The following WHRN variants were observed in gnomAD, a reference collection of about 807,000 sequenced individuals.
The protein encoded by WHRN is whirlin.
WHRN carries 41 observed loss-of-function variants against 68.3 expected under a neutral mutation model. The ratio of observed to expected loss-of-function variants is 0.60; its 90% CI spans 0.47 to 0.78. The LOEUF (loss-of-function observed/expected upper bound fraction) is 0.78, where lower values mean the gene tolerates loss of function less well. Ranked by LOEUF, WHRN falls within the 30% of genes least tolerant of loss-of-function variation. The probability of loss-of-function intolerance (pLI) is 0.00; values close to 1 mark genes in which losing one functional copy is unlikely to be tolerated. For missense variants in WHRN, 1,243 were observed against 1,244.7 expected (o/e 1.00, Z 0.02); for synonymous variants, 560 against 561.3 (o/e 1.00, Z 0.03).
At chr9:114,435,896 CTCT>C (rs1837808012) in intron 3 of WHRN, among the ~76,000 whole-genome samples, 1 of 74,012 alleles carries the variant, frequency 1.4e-5, no homozygotes, top group Non-Finnish European at 2.9e-5. Context: ...TTCTAAAACA[CTCT>C]AAAACACTCA....
At position 114,469,653 on chromosome 9, in the gene WHRN, G is replaced by A. The variant is rs531134322; in HGVS notation, c.838-3261C>T. On this transcript the variant is annotated intron_variant, in intron 2 of 11. Transcript: ENST00000362057. ...CCCTGTGGGACCTGCCGAGATCCGT[G>A]CTGAGAAGGCACGGCAGCCCTGCCC... Among the ~76,000 whole-genome samples, 7 of 152,340 alleles carry A rather than the reference G, an allele frequency of 4.6e-5. No homozygotes were observed. The South Asian group carries it at 1.2e-3, about 27-fold the overall frequency.
chr9:114,459,670 C>T (rs1304747234), intron 3 of WHRN, among the ~76,000 whole-genome samples: 1 of 152,190 alleles, frequency 6.6e-6, no homozygotes, highest in African/African-American at 2.4e-5. Context: ...TCGATATGGT[C>T]AGGCTCCTGG....
intron 7 of WHRN, among the ~76,000 whole-genome samples, chr9:114,410,979 C>T (rs1265822115): frequency 6.6e-6 from 1 of 152,200 alleles, no homozygotes; most frequent in African/African-American, 2.4e-5. Context: ...GTAAATCCTT[C>T]CTCTGTAAAA....
intron 1 of WHRN, among the ~76,000 whole-genome samples, chr9:114,486,772 T>G (rs1167161570): frequency 6.9e-6 from 1 of 144,126 alleles, no homozygotes. Context: ...AACAGTAACC[T>G]TGGGCAAGTT....
chr9:114,440,953 G>A (rs1838320766), intron 3 of WHRN, among the ~76,000 whole-genome samples: 1 of 152,198 alleles, frequency 6.6e-6, no homozygotes, highest in South Asian at 2.1e-4. Context: ...CCAAGAAGCA[G>A]AGAAAGTCAT....
At position 114,430,945 on chromosome 9, in the gene WHRN, T is replaced by C. The variant is rs147588613; in HGVS notation, c.964-4532A>G. Among the ~76,000 whole-genome samples, 120 of 152,286 alleles carry C rather than the reference T, an allele frequency of 7.9e-4. 2 individuals are homozygous for C. Among genetic ancestry groups the C allele is most frequent in the African/African-American group, 2.7e-3 (112 of 41,556 alleles). On this transcript the variant is annotated intron_variant, in intron 3 of 11. Transcript: ENST00000362057. The stretch of plus-strand genomic sequence containing the variant: ...GAGTTGGTTTTGAGTGGCTCCCATT[T>C]TTCTGTGTCCAGCTCTCTCCCTTTT...
chr9:114,499,681 C>T (rs180799205), intron 1 of WHRN, among the ~76,000 whole-genome samples: 147 of 152,294 alleles, frequency 9.7e-4, no homozygotes, highest in African/African-American at 3.2e-3. Context: ...GGCACATGAG[C>T]GAGGGGCTGC....
intron 3 of WHRN, among the ~76,000 whole-genome samples, chr9:114,456,028 TG>T (rs1260584510): frequency 6.6e-6 from 1 of 151,974 alleles, no homozygotes; most frequent in African/African-American, 2.4e-5. Flanking sequence ...AATGGTTGTA[TG>T]GGTACTTGAA....
chr9:114,504,460 G>A lies in WHRN; in HGVS notation c.342C>T (p.Leu114=), dbSNP rs368710698. 1.2e-6 allele frequency: 2 copies of A among 1,607,778 alleles called. No homozygotes were observed. The highest frequency in any genetic ancestry group is 8.5e-7 in the Non-Finnish European group (1 of 1,179,754). The change falls in exon 1 of 12, where the codon CTC becomes CTT. Residue 114 remains leucine, a synonymous_variant. Transcript: ENST00000362057. ...TGTAGGGGGTGGTGGCGGGCAGGTAGAGGCCCTCGGCCGTGTATTGGTCGA... is the reference window on the plus strand; with the variant it reads ...TGTAGGGGGTGGTGGCGGGCAGGTAAAGGCCCTCGGCCGTGTATTGGTCGA... ...LLFDQYTAEG[L]YLPATTPYRQ...
intron 1 of WHRN, among the ~76,000 whole-genome samples, chr9:114,489,659 G>A (rs1000770129): frequency 4.6e-5 from 7 of 152,196 alleles, no homozygotes; most frequent in Non-Finnish European, 8.8e-5. Flanking sequence ...ATAAGCAAAT[G>A]AGATATGTAA....
intron 9 of WHRN, among the ~76,000 whole-genome samples, chr9:114,405,752 A>G (rs1346622922): frequency 6.6e-6 from 1 of 152,226 alleles, no homozygotes; most frequent in African/African-American, 2.4e-5. Context: ...TAGCCGCAAG[A>G]TGGCAGCAGA....
At position 114,423,333 on chromosome 9, in the gene WHRN, G is replaced by A. The variant is rs774465093; in HGVS notation, c.1607C>T (p.Thr536Ile). Residue 536 changes from threonine (T) to isoleucine (I), a missense_variant, in exon 7 of 12, where the codon ACC (threonine) becomes ATC (isoleucine). Physicochemically the swap from Thr to Ile is moderately conservative, Grantham distance 89. Transcript: ENST00000362057. ...GSSTGSHGTS[T>I]TVSSARNTLD... The stretch of plus-strand genomic sequence containing the variant: ...GCTCACCCTGGCCGAGCTGACGGTG[G>A]TGGAGGTGCCGTGGCTGCCTGTGGA... 2.5e-6 allele frequency: 4 copies of A among 1,613,990 alleles called. No homozygotes were observed. Among genetic ancestry groups the A allele is most frequent in the South Asian group, 2.2e-5 (2 of 91,086 alleles).
intron 1 of WHRN, among the ~76,000 whole-genome samples, chr9:114,497,816 T>G (rs1193230751): frequency 6.6e-6 from 1 of 152,156 alleles, no homozygotes; most frequent in Non-Finnish European, 1.5e-5. Context: ...TACACTCAAA[T>G]AGCAGAGGGT....
chr9:114,465,893 T>C (rs1840643281), intron 3 of WHRN, among the ~76,000 whole-genome samples: 1 of 152,200 alleles, frequency 6.6e-6, no homozygotes, highest in South Asian at 2.1e-4. Flanking sequence ...AATATTTCAA[T>C]AACTGCTGGT....
At chr9:114,439,468 A>T (rs1380811622) in intron 3 of WHRN, among the ~76,000 whole-genome samples, 1 of 152,380 alleles carries the variant, frequency 6.6e-6, no homozygotes, top group South Asian at 2.1e-4. Flanking sequence ...GCAAATGGGT[A>T]AACACTTAAG....
At chr9:114,488,411 C>G (rs150334218) in intron 1 of WHRN, among the ~76,000 whole-genome samples, 1 of 152,254 alleles carries the variant, frequency 6.6e-6, no homozygotes, top group Admixed American at 6.5e-5. Context: ...AGTGTCTATG[C>G]ACGGTCACAG....
chr9:114,490,812 T>G (rs1842913829), intron 1 of WHRN, among the ~76,000 whole-genome samples: 1 of 152,126 alleles, frequency 6.6e-6, no homozygotes, highest in African/African-American at 2.4e-5. Flanking sequence ...TACAAGAAAT[T>G]TGCAACAAAG....
intron 1 of WHRN, among the ~76,000 whole-genome samples, chr9:114,489,490 G>A (rs560718663): frequency 2.6e-4 from 28 of 107,806 alleles, no homozygotes; most frequent in South Asian, 6.3e-4. Context: ...GCACACACAC[G>A]TACACACACA....
Position 114,402,379 on chromosome 9 carries a change from A to T in WHRN, c.*375T>A. On this transcript the variant is annotated 3_prime_UTR_variant, in exon 12 of 12. Coordinates refer to ENST00000362057, the MANE Select transcript of WHRN (RefSeq NM_015404.4). ...TGTCCATGAATTCTCGAGTGACCTCACTTTGGACAAAGGCTCAGGCATCTG... is the reference window on the plus strand; with the variant it reads ...TGTCCATGAATTCTCGAGTGACCTCTCTTTGGACAAAGGCTCAGGCATCTG... The T allele has an allele frequency of 3.3e-6, 1 of 306,018 alleles. No homozygotes were observed. Among genetic ancestry groups the T allele is most frequent in the East Asian group, 7.6e-5 (1 of 13,228 alleles). The allele number at this position is 306,018 out of a possible 1,614,324, so 19.0% of individuals were successfully genotyped here.
Sources: gnomAD v4.1 joint callset for allele counts (sites outside exome capture counted in the v4.1 genomes callset) on GRCh38, gnomAD v4.1.1 for gene constraint, MANE v1.5 for transcripts, NCBI Gene and HGNC (gene_info 2026-07-23, HGNC 2026-07-21) for gene names.